The following LGR6 variants were observed in gnomAD, a reference collection of about 807,000 sequenced individuals.
The protein encoded by LGR6 is leucine-rich repeat-containing G protein-coupled receptor 6.
LGR6 carries 45 observed loss-of-function variants against 69.4 expected under a neutral mutation model. The ratio of observed to expected loss-of-function variants is 0.65; its 90% CI spans 0.51 to 0.83. The LOEUF (loss-of-function observed/expected upper bound fraction) is 0.83, where lower values mean the gene tolerates loss of function less well. Among genes scored for constraint, LGR6 ranks in the 40% least tolerant of loss-of-function variants. The probability of loss-of-function intolerance (pLI) is 0.00; values close to 1 mark genes in which losing one functional copy is unlikely to be tolerated. For synonymous variants in LGR6, 538 were observed against 555.0 expected, an observed-to-expected ratio of 0.97 and a Z score of 0.43; for missense variants, 1,108 against 1,246.7, an observed-to-expected ratio of 0.89 and a Z score of 1.68.
intron 5 of LGR6, among the ~76,000 whole-genome samples, chr1:202,277,561 AG>A (rs1308905628): frequency 6.6e-6 from 1 of 152,010 alleles, no homozygotes; most frequent in Non-Finnish European, 1.5e-5. Flanking sequence ...GGCCTCTGTG[AG>A]GGATAAGATT....
Position 202,241,716 on chromosome 1 carries a change from G to T in LGR6, c.428+5723G>T, listed in dbSNP as rs184899225. On this transcript the variant is annotated intron_variant, in intron 4 of 17. Transcript: ENST00000367278. ...GCATGGCAAAGCAGAAGAAGTGGGG[G>T]CTGCGCTGGTCTGGGTCCTGGGGAG... Among the ~76,000 whole-genome samples the T allele has an allele frequency of 4.9e-3, 747 of 151,996 alleles. 4 individuals carry two copies. The highest frequency in any genetic ancestry group is 0.028 in the East Asian group (146 of 5,168).
intron 4 of LGR6, among the ~76,000 whole-genome samples, chr1:202,257,488 G>C (rs1191955306): frequency 6.6e-6 from 1 of 152,098 alleles, no homozygotes; most frequent in Admixed American, 6.5e-5. Context: ...AATGTAGCTA[G>C]AGGTCCAGCT....
chr1:202,306,145 A>G (rs994554127), intron 12 of LGR6, among the ~76,000 whole-genome samples: 2 of 152,174 alleles, frequency 1.3e-5, no homozygotes, highest in Admixed American at 6.5e-5. Flanking sequence ...CTCCTTTTCC[A>G]TACCTCTAAA....
At chr1:202,287,467 A>G (rs1273974030) in intron 6 of LGR6, among the ~76,000 whole-genome samples, 1 of 152,066 alleles carries the variant, frequency 6.6e-6, no homozygotes, top group Non-Finnish European at 1.5e-5. Context: ...CCATGTTCTC[A>G]TCTGGTCTTG....
chr1:202,237,735 G>T (rs1260739004), intron 4 of LGR6, among the ~76,000 whole-genome samples: 1 of 152,178 alleles, frequency 6.6e-6, no homozygotes, highest in Non-Finnish European at 1.5e-5. Flanking sequence ...GCAGGGGACA[G>T]AGGTCAAGTC....
intron 16 of LGR6, 91 bp from the exon 17 acceptor site, chr1:202,314,711 G>T: frequency 1.2e-6 from 1 of 863,302 alleles, no homozygotes; most frequent in East Asian, 2.4e-5. Flanking sequence ...AGTTAGTAAG[G>T]GACATCTTAA....
Position 202,213,582 on chromosome 1 carries a change from CTA to C in LGR6, c.213-11839_213-11838del, listed in dbSNP as rs533649237. On this transcript the variant is annotated intron_variant, in intron 1 of 17. Transcript: ENST00000367278. Reference sequence around the variant, plus strand: ...CTCCTCTACCCACAGCCTCCCCAGCCTATCTTTCCTAACTTTATAGCCCTGCT... The same window carrying C: ...CTCCTCTACCCACAGCCTCCCCAGCCTCTTTCCTAACTTTATAGCCCTGCT... Among the ~76,000 whole-genome samples the C allele has an allele frequency of 1.8e-4, 27 of 152,306 alleles. 1 individual carries two copies. In the East Asian group the frequency reaches 5.0e-3, roughly 28 times the overall value.
At chr1:202,224,661 G>A (rs1558015556) in intron 1 of LGR6, among the ~76,000 whole-genome samples, 1 of 152,200 alleles carries the variant, frequency 6.6e-6, no homozygotes, top group East Asian at 1.9e-4. Context: ...CGCATGCGCA[G>A]TTCACAGTAG....
chr1:202,195,044 G>T (rs1033039950), intron 1 of LGR6, among the ~76,000 whole-genome samples: 1 of 152,208 alleles, frequency 6.6e-6, no homozygotes, highest in Non-Finnish European at 1.5e-5. Flanking sequence ...TGGGCAGGAG[G>T]AGGGTGAGAG....
At chr1:202,216,668 A>G (rs112286689) in intron 1 of LGR6, among the ~76,000 whole-genome samples, 8,497 of 152,094 alleles carry the variant, frequency 0.056, 338 homozygotes, top group Middle Eastern at 0.11. Context: ...AGTCCCCCAT[A>G]TTTTCATTCC....
chr1:202,211,516 C>T (rs1045985199), intron 1 of LGR6, among the ~76,000 whole-genome samples: 1 of 152,084 alleles, frequency 6.6e-6, no homozygotes, highest in African/African-American at 2.4e-5. Context: ...CATGTGCCAC[C>T]ACACCCGGCT....
At chr1:202,289,840 G>C (rs985557267) in intron 6 of LGR6, among the ~76,000 whole-genome samples, 1 of 152,176 alleles carries the variant, frequency 6.6e-6, no homozygotes, top group Non-Finnish European at 1.5e-5. Flanking sequence ...AGGCAATTCA[G>C]AGTTTACAAT....
At chr1:202,309,205 G>T (rs766443450) in intron 15 of LGR6, 29 bp downstream of exon 15, 1 of 1,612,288 alleles carries the variant, frequency 6.2e-7, no homozygotes, top group Non-Finnish European at 8.5e-7. Context: ...CCAACACCTG[G>T]GTAGGCCAGC....
intron 4 of LGR6, among the ~76,000 whole-genome samples, chr1:202,249,374 C>G (rs1477114530): frequency 6.6e-6 from 1 of 152,310 alleles, no homozygotes; most frequent in African/African-American, 2.4e-5. Flanking sequence ...CTTCCCCTGC[C>G]CATCCTATAA....
chr1:202,310,509 ACT>A (rs1653637743), intron 16 of LGR6, 152 bp downstream of exon 16: 2 of 700,508 alleles, frequency 2.9e-6, no homozygotes, highest in Non-Finnish European at 4.7e-6. Context: ...CTGGGAGGAA[ACT>A]CTACCTCTGT....
In LGR6 at chr1:202,319,415, G is replaced by C. The variant is rs1488884835; in HGVS notation, c.*208G>C. ...CCTGGCTTTCCCTTGGCCTTCCTCA[G>C]CTTCACCTTGATACTGGGCCTCTTC... On this transcript the variant is annotated 3_prime_UTR_variant, in exon 18 of 18. Coordinates refer to ENST00000367278, the MANE Select transcript of LGR6 (RefSeq NM_001017403.2). The C allele has an allele frequency of 1.8e-6, 1 of 551,314 alleles. No homozygotes were observed. Among genetic ancestry groups the C allele is most frequent in the African/African-American group, 1.9e-5 (1 of 52,990 alleles). The allele number at this position is 551,314 out of a possible 1,614,324, so 34.2% of individuals were successfully genotyped here.
intron 4 of LGR6, among the ~76,000 whole-genome samples, chr1:202,257,348 T>C (rs1226382447): frequency 1.3e-5 from 2 of 152,240 alleles, no homozygotes; most frequent in African/African-American, 4.8e-5. Context: ...GTTGTACTTT[T>C]GGTGTTATAT....
At chr1:202,203,793 T>G in intron 1 of LGR6, 1 of 1,613,718 alleles carries the variant, frequency 6.2e-7, no homozygotes, top group Non-Finnish European at 8.5e-7. Context: ...GCGGTTGTGG[T>G]GCAAAGGAAA....
intron 1 of LGR6, among the ~76,000 whole-genome samples, chr1:202,211,762 TAA>T: frequency 1.3e-5 from 2 of 152,256 alleles, no homozygotes; most frequent in Non-Finnish European, 2.9e-5. Flanking sequence ...TACACTTGTG[TAA>T]CCAGCACCTG....
Sources: gnomAD v4.1 joint callset for allele counts (sites outside exome capture counted in the v4.1 genomes callset) on GRCh38, gnomAD v4.1.1 for gene constraint, MANE v1.5 for transcripts, NCBI Gene and HGNC (gene_info 2026-07-23, HGNC 2026-07-21) for gene names.